The following CD69 variants were observed in gnomAD, a reference collection of about 807,000 sequenced individuals.
CD69 encodes early activation antigen CD69.
CD69 carries 10 observed loss-of-function variants against 21.4 expected under a neutral mutation model. That is an observed-to-expected ratio of 0.47 (90% CI 0.29 to 0.79). CD69 has a LOEUF of 0.79. Ranked by LOEUF, CD69 falls within the 30% of genes least tolerant of loss-of-function variation. The probability of loss-of-function intolerance (pLI) is 0.09; values close to 1 mark genes in which losing one functional copy is unlikely to be tolerated. For missense variants in CD69, 204 were observed against 236.9 expected, an observed-to-expected ratio of 0.86 and a Z score of 0.91; for synonymous variants, 63 against 78.2, an observed-to-expected ratio of 0.81 and a Z score of 1.03.
Position 9,753,577 on chromosome 12 carries a change from T to A in CD69, c.504A>T (p.Thr168=). 1 of 1,533,274 alleles carries A rather than the reference T, an allele frequency of 6.5e-7. No individual in the cohort carries two copies. Among genetic ancestry groups the A allele is most frequent in the Non-Finnish European group, 9.0e-7 (1 of 1,113,792 alleles). 95.0% of individuals were successfully genotyped at this position (1,533,274 alleles called of 1,614,324 possible). A position where few individuals can be genotyped will look rare whatever the true frequency, so the allele number is the denominator to read the frequency against. The change falls in exon 5 of 5, where the codon ACA becomes ACT. Residue 168 remains threonine (T), a synonymous_variant. Transcript: ENST00000228434. Reference sequence around the variant, plus strand: ...TCAGAAAAACACACTTGTCAGACCCTGTAACGTTGAACCTGTCAAACAATA... The same window carrying A: ...TCAGAAAAACACACTTGTCAGACCCAGTAACGTTGAACCTGTCAAACAATA... ...GKEFNNWFNV[T]GSDKCVFLKN...
intron 2 of CD69, 118 bp from the exon 3 acceptor site, chr12:9,755,379 T>C (rs1591727808): frequency 2.5e-6 from 2 of 787,592 alleles, no homozygotes; most frequent in East Asian, 5.0e-5. Context: ...GGATAAAAGC[T>C]AAAAAGTAGA....
At chr12:9,758,071 T>C (rs1866696531) in intron 1 of CD69, among the ~76,000 whole-genome samples, 1 of 151,916 alleles carries the variant, frequency 6.6e-6, no homozygotes, top group African/African-American at 2.4e-5. Context: ...CCTTTTTTTT[T>C]CCCAACAAGC....
At chr12:9,758,893 C>A (rs1866703701) in intron 1 of CD69, among the ~76,000 whole-genome samples, 1 of 152,148 alleles carries the variant, frequency 6.6e-6, no homozygotes, top group Admixed American at 6.5e-5. Context: ...GGATGACTCT[C>A]AGATGATACT....
chr12:9,755,219 G>A lies in CD69; in HGVS notation c.230C>T (p.Pro77Leu), dbSNP rs1220694030. ...GCATGAAGAAACATGGCTGTCTGAT[G>A]GCATTGAGAATGTGTATTGGCCTGG... ...NCPGQYTFSM[P>L]SDSHVSSCSE... The change falls in exon 3 of 5, where the codon CCA (proline) becomes CTA (leucine). Residue 77 changes from proline (P) to leucine (L), a missense_variant. Coordinates refer to ENST00000228434, the MANE Select transcript of CD69 (RefSeq NM_001781.2). 1 of 1,613,908 alleles carries A rather than the reference G, an allele frequency of 6.2e-7. No individual in the cohort carries two copies. Among genetic ancestry groups the A allele is most frequent in the Non-Finnish European group, 8.5e-7 (1 of 1,179,958 alleles).
chr12:9,754,600 C>A lies in CD69; in HGVS notation c.478G>T (p.Glu160Ter). The change falls in exon 4 of 5, where the codon GAA becomes TAA. Residue 160 changes from glutamate (E) to a stop codon, truncating the protein, a stop_gained. Coordinates refer to ENST00000228434, the MANE Select transcript of CD69 (RefSeq NM_001781.2). LOFTEE classifies it low-confidence loss of function (END_TRUNC). ...GHPWKWSNGK[E>*]FNNWFNVTGS... is the part of the protein sequence containing the mutation. ...CTGGAGACTTACCAGTTGTTAAATTCTTTGCCATTTGACCACTTCCATGGG... is the reference window on the plus strand; with the variant it reads ...CTGGAGACTTACCAGTTGTTAAATTATTTGCCATTTGACCACTTCCATGGG... 4 of 1,602,874 alleles carry A rather than the reference C, an allele frequency of 2.5e-6. No individual in the cohort carries two copies. The highest frequency in any genetic ancestry group is 3.4e-6 in the Non-Finnish European group (4 of 1,169,788).
At chr12:9,758,996 C>A (rs1866705945) in intron 1 of CD69, among the ~76,000 whole-genome samples, 1 of 151,960 alleles carries the variant, frequency 6.6e-6, no homozygotes, top group Non-Finnish European at 1.5e-5. Context: ...GTTGCGTGAT[C>A]TCGGCTCACT....
In CD69 at chr12:9,755,254, T is replaced by C; in HGVS notation, c.195A>G (p.Gln65=). 1.2e-6 allele frequency: 2 copies of C among 1,613,720 alleles called. No individual in the cohort carries two copies. Among genetic ancestry groups the C allele is most frequent in the Non-Finnish European group, 8.5e-7 (1 of 1,179,616 alleles). ...ATGTGTATTGGCCTGGACAATTGTA[T>C]TGGCCCACTGTGAACAGAAAAATGC... ...IIALIALSVG[Q]YNCPGQYTFS... is the part of the protein sequence containing the mutation. Residue 65 remains glutamine, a synonymous_variant, in exon 3 of 5, where the codon CAA becomes CAG. Coordinates refer to ENST00000228434, the MANE Select transcript of CD69 (RefSeq NM_001781.2).
At chr12:9,754,723 A>G (rs1189088691) in intron 3 of CD69, 33 bp from the exon 4 acceptor site, 4 of 1,300,816 alleles carry the variant, frequency 3.1e-6, no homozygotes, top group Non-Finnish European at 4.5e-6. Context: ...TTGTTACATT[A>G]AACACCCTTC....
At chr12:9,757,597 AC>A (rs1456301018) in intron 1 of CD69, among the ~76,000 whole-genome samples, 1 of 152,232 alleles carries the variant, frequency 6.6e-6, no homozygotes, top group African/African-American at 2.4e-5. Context: ...GACAACTGAT[AC>A]ATGCAACAAA....
rs1422038643 is a variant in CD69, at chr12:9,756,347, A to G, written c.137T>C (p.Met46Thr). ...TAAAATGGTGATGAAGACCACATTCATTACAGCACACAGGACAGGAACTTG... is the reference window on the plus strand; with the variant it reads ...TAAAATGGTGATGAAGACCACATTCGTTACAGCACACAGGACAGGAACTTG... The part of the protein sequence containing the change: ...SFQVPVLCAV[M>T]NVVFITILII... The change falls in exon 2 of 5, where the codon ATG (methionine) becomes ACG (threonine). Residue 46 changes from methionine (M) to threonine (T), a missense_variant. Physicochemically the swap from Met to Thr is moderately conservative, Grantham distance 81. Coordinates refer to ENST00000228434, the MANE Select transcript of CD69 (RefSeq NM_001781.2). The G allele has an allele frequency of 6.2e-7, 1 of 1,613,790 alleles. No homozygotes were observed. Among genetic ancestry groups the G allele is most frequent in the Non-Finnish European group, 8.5e-7 (1 of 1,179,704 alleles).
rs763286253 is a variant in CD69, at chr12:9,753,462, A to G, written c.*19T>C. ...TGAGTTCCATTCTATAATAGTCAAT[A>G]AGTGAACATGTTTCCTTATTATTTG... On this transcript the variant is annotated 3_prime_UTR_variant, in exon 5 of 5. Coordinates refer to ENST00000228434, the MANE Select transcript of CD69 (RefSeq NM_001781.2). The G allele has an allele frequency of 9.7e-7, 1 of 1,035,312 alleles. No individual in the cohort carries two copies. Among genetic ancestry groups the G allele is most frequent in the Non-Finnish European group, 1.5e-6 (1 of 662,678 alleles). The allele number at this position is 1,035,312 out of a possible 1,614,324, so 64.1% of individuals were successfully genotyped here.
Position 9,754,667 on chromosome 12 carries a change from A to G in CD69, c.411T>C (p.Gly137=). 1 of 1,610,808 alleles carries G rather than the reference A, an allele frequency of 6.2e-7. No individual in the cohort carries two copies. Among genetic ancestry groups the G allele is most frequent in the South Asian group, 1.1e-5 (1 of 91,004 alleles). The change falls in exon 4 of 5, where the codon GGT becomes GGC. Residue 137 remains glycine, a synonymous_variant. Coordinates refer to ENST00000228434, the MANE Select transcript of CD69 (RefSeq NM_001781.2). ...KDMNFLKRYA[G]REEHWVGLKK... Reference sequence around the variant, plus strand: ...TCAGTCCAACCCAGTGTTCCTCTCTACCTGCGTATCGTTTTAGAAAGTTCT... The same window carrying G: ...TCAGTCCAACCCAGTGTTCCTCTCTGCCTGCGTATCGTTTTAGAAAGTTCT...
chr12:9,759,712 TA>T (rs1255633012), intron 1 of CD69, among the ~76,000 whole-genome samples: 4 of 152,204 alleles, frequency 2.6e-5, no homozygotes, highest in Admixed American at 6.5e-5. Context: ...AAGATTGTTT[TA>T]GTTCTCCTGT....
chr12:9,754,319 C>T, intron 4 of CD69: 1 of 218,682 alleles, frequency 4.6e-6, no homozygotes, highest in South Asian at 1.4e-4. Context: ...GAAATATTTC[C>T]AAATTAACCA....
At chr12:9,756,187 T>C (rs1380059858) in intron 2 of CD69, 110 bp downstream of exon 2, 3 of 962,040 alleles carry the variant, frequency 3.1e-6, no homozygotes, top group Non-Finnish European at 3.1e-6. Flanking sequence ...ATGGGATGAT[T>C]CTGAATTAGC....
At chr12:9,754,484 A>G (rs1333047884) in intron 4 of CD69, 103 bp downstream of exon 4, 1 of 727,246 alleles carries the variant, frequency 1.4e-6, no homozygotes, top group Non-Finnish European at 2.5e-6. Context: ...AGAGCTCTTG[A>G]AGAGCTCAGC....
chr12:9,753,392 G>T lies in CD69; in HGVS notation c.*89C>A. ...AATTTTTTTTCACAAAGTCTCTATG[G>T]AAGACTTCGGACCACAGAGCAGCAT... On this transcript the variant is annotated 3_prime_UTR_variant, in exon 5 of 5. Coordinates refer to ENST00000228434, the MANE Select transcript of CD69 (RefSeq NM_001781.2). 1 of 541,220 alleles carries T rather than the reference G, an allele frequency of 1.8e-6. No homozygotes were observed. The highest frequency in any genetic ancestry group is 3.3e-6 in the Non-Finnish European group (1 of 305,054). 33.5% of individuals were successfully genotyped at this position (541,220 alleles called of 1,614,324 possible). A position where few individuals can be genotyped will look rare whatever the true frequency, so the allele number is the denominator to read the frequency against.
chr12:9,757,291 G>A (rs1216177237), intron 1 of CD69, among the ~76,000 whole-genome samples: 1 of 152,114 alleles, frequency 6.6e-6, no homozygotes, highest in Non-Finnish European at 1.5e-5. Context: ...CAGATGTGGA[G>A]CAACTGGAAT....
At chr12:9,759,031 G>A (rs1282785497) in intron 1 of CD69, among the ~76,000 whole-genome samples, 14 of 152,086 alleles carry the variant, frequency 9.2e-5, no homozygotes, top group African/African-American at 2.2e-4. Context: ...CCGGGTTCAC[G>A]CCATTCTCCT....
Sources: allele counts gnomAD v4.1 joint callset (sites outside exome capture counted in the v4.1 genomes callset), GRCh38; gene constraint gnomAD v4.1.1; transcripts MANE v1.5; gene names NCBI Gene and HGNC (gene_info 2026-07-23, HGNC 2026-07-21).